Variants in EYS observed in about 807,000 individuals in gnomAD.
The protein encoded by EYS is protein eyes shut homolog.
EYS carries 250 observed loss-of-function variants against 282.1 expected under a neutral mutation model. The ratio of observed to expected loss-of-function variants is 0.89; its 90% CI spans 0.80 to 0.98. The LOEUF (loss-of-function observed/expected upper bound fraction) is 0.98, where lower values mean the gene tolerates loss of function less well. Among genes scored for constraint, EYS ranks in the 50% least tolerant of loss-of-function variants. The pLI is 0.00. For missense variants in EYS, 4,016 were observed against 3,709.0 expected (o/e 1.08, Z -2.15); for synonymous variants, 1,355 against 1,282.9 (o/e 1.06, Z -1.20).
chr6:65,633,877 G>GT (rs1323965499), intron 2 of EYS, among the ~76,000 whole-genome samples: 1 of 152,204 alleles, frequency 6.6e-6, no homozygotes, highest in Non-Finnish European at 1.5e-5. Context: ...AATGGCAAAG[G>GT]TAAGTAGTTG....
At chr6:64,280,417 T>C (rs1458882724) in intron 30 of EYS, among the ~76,000 whole-genome samples, 1 of 152,122 alleles carries the variant, frequency 6.6e-6, no homozygotes, top group Non-Finnish European at 1.5e-5. Context: ...ATTCTTATGA[T>C]TTCTAGACTA....
chr6:64,569,524 G>A lies in EYS; in HGVS notation c.5644+20699C>T, dbSNP rs536407969. On this transcript the variant is annotated intron_variant, in intron 26 of 42. Transcript: ENST00000503581. ...TGGGAGGCGGAGGTGGGGGGGTCAC[G>A]AGGTCAGGAGATCAAGACCATCCTG... Among the ~76,000 whole-genome samples the A allele has an allele frequency of 4.6e-5, 7 of 152,134 alleles. No homozygotes were observed. The South Asian group carries it at 8.3e-4, about 18-fold the overall frequency.
intron 10 of EYS, 97 bp downstream of exon 10, chr6:65,343,941 T>TG: frequency 9.7e-7 from 1 of 1,028,592 alleles, no homozygotes; most frequent in Non-Finnish European, 1.5e-6. Flanking sequence ...TTTTGAATAT[T>TG]TAAGAATCTG....
intron 19 of EYS, among the ~76,000 whole-genome samples, chr6:64,824,579 C>T (rs948555626): frequency 4.0e-5 from 6 of 151,752 alleles, no homozygotes; most frequent in African/African-American, 9.7e-5. Flanking sequence ...GAAAAGTCTC[C>T]GTATCACTAT....
At chr6:64,767,432 A>G (rs894094428) in intron 22 of EYS, among the ~76,000 whole-genome samples, 1 of 151,654 alleles carries the variant, frequency 6.6e-6, no homozygotes, top group Non-Finnish European at 1.5e-5. Context: ...CCCTTTCCCC[A>G]TACTCTTTCC....
intron 2 of EYS, among the ~76,000 whole-genome samples, chr6:65,519,941 A>C (rs763349542): frequency 6.7e-6 from 1 of 149,810 alleles, no homozygotes; most frequent in Non-Finnish European, 1.5e-5. Context: ...CTAGGAATCA[A>C]TACTTTTCTA....
intron 11 of EYS, among the ~76,000 whole-genome samples, chr6:65,321,074 C>G (rs71572522): frequency 6.6e-6 from 1 of 151,952 alleles, no homozygotes; most frequent in Non-Finnish European, 1.5e-5. Context: ...TGTTGGATAA[C>G]TCAACCCATG....
At chr6:65,047,679 C>G (rs1266027278) in intron 13 of EYS, among the ~76,000 whole-genome samples, 1 of 151,904 alleles carries the variant, frequency 6.6e-6, no homozygotes, top group Non-Finnish European at 1.5e-5. Flanking sequence ...ATTAGGATTA[C>G]TAAGTGTGAT....
chr6:65,603,110 T>G (rs959369499), intron 2 of EYS, among the ~76,000 whole-genome samples: 2 of 151,938 alleles, frequency 1.3e-5, no homozygotes, highest in Admixed American at 6.6e-5. Context: ...CCCTTATCTA[T>G]TCAAAGAATA....
intron 12 of EYS, among the ~76,000 whole-genome samples, chr6:65,096,739 C>T (rs1774750864): frequency 6.6e-6 from 1 of 150,894 alleles, no homozygotes; most frequent in Admixed American, 6.6e-5. Context: ...CAAGAATATA[C>T]AATGAGGAGT....
chr6:64,664,251 T>A (rs1196599777), intron 22 of EYS, among the ~76,000 whole-genome samples: 1 of 152,198 alleles, frequency 6.6e-6, no homozygotes, highest in East Asian at 1.9e-4. Context: ...TATATCCCAA[T>A]CATTGTCCCT....
chr6:63,789,298 C>G, intron 37 of EYS, 74 bp from the exon 38 acceptor site: 7 of 1,422,154 alleles, frequency 4.9e-6, no homozygotes, highest in Non-Finnish European at 6.7e-6. Flanking sequence ...ATTTTACTGA[C>G]TGGTTCTGAA....
intron 22 of EYS, among the ~76,000 whole-genome samples, chr6:64,743,995 CTT>C (rs908834662): frequency 9.2e-5 from 14 of 152,182 alleles, no homozygotes; most frequent in African/African-American, 3.1e-4. Context: ...ATAGATGACT[CTT>C]TGTAAAATTT....
chr6:64,068,231 T>C (rs1771448341), intron 32 of EYS, among the ~76,000 whole-genome samples: 1 of 152,206 alleles, frequency 6.6e-6, no homozygotes, highest in Non-Finnish European at 1.5e-5. Context: ...AAGTTGAACA[T>C]ATTCTCATGT....
chr6:65,428,214 G>C (rs553619668), intron 5 of EYS, among the ~76,000 whole-genome samples: 23 of 152,024 alleles, frequency 1.5e-4, no homozygotes, highest in African/African-American at 5.5e-4. Flanking sequence ...CATTGACCCA[G>C]TTATTCTATG....
At chr6:65,466,408 T>C (rs1274265293) in intron 5 of EYS, among the ~76,000 whole-genome samples, 1 of 152,124 alleles carries the variant, frequency 6.6e-6, no homozygotes, top group African/African-American at 2.4e-5. Context: ...ATGTACCATT[T>C]ATTAGAAACA....
At chr6:63,820,846 A>G (rs927994996) in intron 36 of EYS, among the ~76,000 whole-genome samples, 3 of 152,158 alleles carry the variant, frequency 2.0e-5, no homozygotes, top group Admixed American at 6.5e-5. Context: ...TAGTAGTTTA[A>G]CATATGTTCT....
chr6:63,737,721 A>G (rs1218525677), intron 41 of EYS, among the ~76,000 whole-genome samples: 3 of 151,978 alleles, frequency 2.0e-5, no homozygotes, highest in Admixed American at 2.0e-4. Context: ...CTGGTCCTGG[A>G]CTCTTTTTGG....
chr6:64,325,111 A>G (rs779757433), intron 29 of EYS, among the ~76,000 whole-genome samples: 2 of 152,182 alleles, frequency 1.3e-5, no homozygotes, highest in Non-Finnish European at 2.9e-5. Flanking sequence ...AAGCTATTCT[A>G]AAAGAACAAA....
Sources: allele counts gnomAD v4.1 joint callset (sites outside exome capture counted in the v4.1 genomes callset), GRCh38; gene constraint gnomAD v4.1.1; transcripts MANE v1.5; gene names NCBI Gene and HGNC (gene_info 2026-07-23, HGNC 2026-07-21).